The following TOMM20 variants were observed in gnomAD, a reference collection of about 807,000 sequenced individuals.
TOMM20 encodes translocase of outer mitochondrial membrane 20, also known as mitochondrial import receptor subunit TOM20 homolog.
TOMM20 carries 10 observed loss-of-function variants against 22.1 expected under a neutral mutation model. The observed-to-expected ratio is 0.45, with a 90% confidence interval of 0.28 to 0.77. The LOEUF is 0.77. Among genes scored for constraint, TOMM20 ranks in the 30% least tolerant of loss-of-function variants. The pLI, the probability that TOMM20 is intolerant of heterozygous loss-of-function variation, is 0.13. For synonymous variants in TOMM20, 55 were observed against 61.4 expected, an observed-to-expected ratio of 0.90 and a Z score of 0.49; for missense variants, 121 against 172.2, an observed-to-expected ratio of 0.70 and a Z score of 1.66.
At chr1:235,122,588 G>C in intron 1 of TOMM20, 1 of 398,090 alleles carries the variant, frequency 2.5e-6, no homozygotes, top group Non-Finnish European at 4.5e-6. Flanking sequence ...CTTCCCTTTG[G>C]GGCAGAAGAT....
At chr1:235,116,680 C>T (rs2102808951) in intron 3 of TOMM20, among the ~76,000 whole-genome samples, 1 of 152,184 alleles carries the variant, frequency 6.6e-6, no homozygotes, top group South Asian at 2.1e-4. Context: ...CATTGCACTC[C>T]AGCCTGGGCA....
chr1:235,112,341 A>G (rs935470980), intron 4 of TOMM20, among the ~76,000 whole-genome samples: 4 of 152,106 alleles, frequency 2.6e-5, no homozygotes, highest in African/African-American at 7.2e-5. Flanking sequence ...GCAGATCATT[A>G]CATTATATAT....
Position 235,128,773 on chromosome 1 carries a change from C to A in TOMM20, c.-58G>T. The A allele has an allele frequency of 1.2e-6, 2 of 1,609,106 alleles. No homozygotes were observed. Among genetic ancestry groups the A allele is most frequent in the Non-Finnish European group, 1.7e-6 (2 of 1,178,336 alleles). On this transcript the variant is annotated 5_prime_UTR_variant, in exon 1 of 5. Transcript: ENST00000366607. ...GCAGGGACCGCGAAGGAGCGGTGGG[C>A]CACGAACCCTCAGAGCGGTCGGCGC...
chr1:235,124,063 A>C (rs1660974364), intron 1 of TOMM20, among the ~76,000 whole-genome samples: 1 of 152,208 alleles, frequency 6.6e-6, no homozygotes, highest in Non-Finnish European at 1.5e-5. Context: ...TAAAAGAATT[A>C]CAGCTGGGCA....
chr1:235,114,581 G>A (rs1387232075), intron 3 of TOMM20, among the ~76,000 whole-genome samples: 1 of 151,882 alleles, frequency 6.6e-6, no homozygotes, highest in Non-Finnish European at 1.5e-5. Context: ...GGGACTACAG[G>A]CGCCCACCAC....
intron 2 of TOMM20, 92 bp from the exon 3 acceptor site, chr1:235,119,991 C>G (rs542842432): frequency 1.4e-6 from 1 of 724,166 alleles, no homozygotes; most frequent in South Asian, 3.2e-5. Flanking sequence ...CAACAAAAAA[C>G]CAAATCACTC....
intron 1 of TOMM20, chr1:235,128,004 C>T (rs1435337066): frequency 2.3e-6 from 1 of 440,908 alleles, no homozygotes; most frequent in African/African-American, 2.0e-5. Context: ...GGTGAAACCC[C>T]GTCTCTACTA....
intron 1 of TOMM20, among the ~76,000 whole-genome samples, chr1:235,123,775 G>T (rs772627584): frequency 2.0e-5 from 3 of 152,194 alleles, no homozygotes; most frequent in Admixed American, 6.5e-5. Flanking sequence ...AAAGGATAAA[G>T]AACATAATTC....
At chr1:235,113,143 T>C (rs1312137885) in intron 4 of TOMM20, among the ~76,000 whole-genome samples, 2 of 152,220 alleles carry the variant, frequency 1.3e-5, no homozygotes, top group African/African-American at 4.8e-5. Context: ...CAAGATTCAT[T>C]TGGGCTCCTT....
intron 1 of TOMM20, among the ~76,000 whole-genome samples, chr1:235,122,713 T>A (rs1660947945): frequency 6.6e-6 from 1 of 152,218 alleles, no homozygotes. Context: ...GGGCAAGAAT[T>A]AGGCCACTAG....
At chr1:235,126,293 C>T (rs1489016451) in intron 1 of TOMM20, among the ~76,000 whole-genome samples, 2 of 151,294 alleles carry the variant, frequency 1.3e-5, no homozygotes, top group Non-Finnish European at 2.9e-5. Context: ...CCACCACACC[C>T]GGCTAATTTT....
rs981770480 is a variant in TOMM20, at chr1:235,110,289, TGCTGA to T, written c.*1770_*1774del. On this transcript the variant is annotated 3_prime_UTR_variant, in exon 5 of 5. Coordinates refer to ENST00000366607, the MANE Select transcript of TOMM20 (RefSeq NM_014765.3). ...CCTTTTTCTGAGCCCATTCTTTCCTTGCTGAGCTATCTGCCCCTTGCTCCCTTTCC... is the reference window on the plus strand; with the variant it reads ...CCTTTTTCTGAGCCCATTCTTTCCTTGCTATCTGCCCCTTGCTCCCTTTCC... The T allele has an allele frequency of 6.6e-6, 1 of 152,304 alleles. No homozygotes were observed. Among genetic ancestry groups the T allele is most frequent in the African/African-American group, 2.4e-5 (1 of 41,414 alleles). The allele number at this position is 152,304 out of a possible 1,614,324, so 9.4% of individuals were successfully genotyped here. A position where few individuals can be genotyped will look rare whatever the true frequency, so the allele number is the denominator to read the frequency against.
chr1:235,112,175 T>C (rs1322050886), intron 4 of TOMM20, 67 bp from the exon 5 acceptor site: 3 of 1,237,362 alleles, frequency 2.4e-6, no homozygotes, highest in Non-Finnish European at 3.4e-6. Flanking sequence ...AACTTCAAAA[T>C]AAAATGCTCT....
rs878995198 is a variant in TOMM20 at position 235,127,521 on chromosome 1, G to A, written c.121+1074C>T. Among the ~76,000 whole-genome samples, 3 of 152,132 alleles carry A rather than the reference G, an allele frequency of 2.0e-5. No homozygotes were observed. The East Asian group carries it at 5.8e-4, about 29-fold the overall frequency. ...GCGCTGCAGTCACTGCTCACACAGG[G>A]CTACTGAACACTTGAAATGACTTAG... On this transcript the variant is annotated intron_variant, in intron 1 of 4. Transcript: ENST00000366607.
rs1660907657 is a variant in TOMM20 at position 235,120,267 on chromosome 1, GTTGT to G, written c.169-372_169-369del. Among the ~76,000 whole-genome samples the G allele has an allele frequency of 2.0e-5, 3 of 151,922 alleles. 1 individual carries two copies. The highest frequency in any genetic ancestry group is 1.3e-4 in the Admixed American group (2 of 15,234). On this transcript the variant is annotated intron_variant, in intron 2 of 4. Transcript: ENST00000366607. Reference sequence around the variant, plus strand: ...TTCAACATTATTTTATACAGATTTTGTTGTTTTTGTTTTTTTGTTTTTTGAGACA... The same window carrying G: ...TTCAACATTATTTTATACAGATTTTGTTTTGTTTTTTTGTTTTTTGAGACA...
rs1280658283 is a variant in TOMM20 at position 235,109,738 on chromosome 1, C to T, written c.*2326G>A. Reference sequence around the variant, plus strand: ...TTTAAGTACAAATTGTGGAACAAAACTATATCTTTGCCCAAAGAAGCACAT... The same window carrying T: ...TTTAAGTACAAATTGTGGAACAAAATTATATCTTTGCCCAAAGAAGCACAT... On this transcript the variant is annotated 3_prime_UTR_variant, in exon 5 of 5. Coordinates refer to ENST00000366607, the MANE Select transcript of TOMM20 (RefSeq NM_014765.3). 1.3e-5 allele frequency: 2 copies of T among 152,238 alleles called. No individual in the cohort carries two copies. The highest frequency in any genetic ancestry group is 4.8e-5 in the African/African-American group (2 of 41,470). 9.4% of individuals were successfully genotyped at this position (152,238 alleles called of 1,614,324 possible).
chr1:235,111,980 G>A lies in TOMM20; in HGVS notation c.*84C>T. The A allele has an allele frequency of 9.4e-7, 1 of 1,059,670 alleles. No individual in the cohort carries two copies. The highest frequency in any genetic ancestry group is 3.0e-4 in the Middle Eastern group (1 of 3,382). The allele number at this position is 1,059,670 out of a possible 1,614,324, so 65.6% of individuals were successfully genotyped here. ...AGTGTAGTTCATAACAAGCATATTT[G>A]CCCTTATTCCCCCAGAGCTGCTCAA... On this transcript the variant is annotated 3_prime_UTR_variant, in exon 5 of 5. Transcript: ENST00000366607.
chr1:235,128,469 C>T, intron 1 of TOMM20, 126 bp downstream of exon 1: 3 of 1,455,824 alleles, frequency 2.1e-6, no homozygotes, highest in East Asian at 2.3e-5. Context: ...GCGCCATCGC[C>T]TATTGAGGGC....
Position 235,116,980 on chromosome 1 carries a change from A to C in TOMM20, c.250+2838T>G, listed in dbSNP as rs1325120961. On this transcript the variant is annotated intron_variant, in intron 3 of 4. Transcript: ENST00000366607. ...GAAACCCCGTCTCTACTAAAAATAC[A>C]AAAAACTAGCCGGGCGTGGTGGTGG... 2.7e-5 allele frequency among the ~76,000 whole-genome samples: 4 copies of C among 150,848 alleles called. No individual in the cohort carries two copies. In the South Asian group the frequency reaches 8.4e-4, roughly 32 times the overall value.
Sources: gnomAD v4.1 joint callset for allele counts (sites outside exome capture counted in the v4.1 genomes callset) on GRCh38, gnomAD v4.1.1 for gene constraint, MANE v1.5 for transcripts, NCBI Gene and HGNC (gene_info 2026-07-23, HGNC 2026-07-21) for gene names.